The following KDM5D variants were observed in gnomAD, a reference collection of about 807,000 sequenced individuals.
The protein encoded by KDM5D is lysine-specific demethylase 5D.
A neutral mutation model predicts 31.9 loss-of-function variants in KDM5D; 25 were observed. The ratio of observed to expected loss-of-function variants is 0.78; its 90% CI spans 0.57 to 1.09. KDM5D has a LOEUF of 1.09. Ranked by LOEUF, KDM5D falls within the 50% of genes least tolerant of loss-of-function variation. KDM5D has a pLI of 0.00. For missense variants in KDM5D, 366 were observed against 341.6 expected (o/e 1.07, Z -0.56); for synonymous variants, 146 against 122.3 (o/e 1.19, Z -1.28).
chrY:19,714,583 TACTC>T (rs2045320885), intron 18 of KDM5D, among the ~76,000 whole-genome samples: 1 of 33,680 alleles, frequency 3.0e-5, no homozygotes, highest in Non-Finnish European at 7.3e-5. Flanking sequence ...GATACACAAA[TACTC>T]ACCAGTGTTA....
chrY:19,712,993 T>C (rs959960254), intron 18 of KDM5D, among the ~76,000 whole-genome samples: 1 of 33,750 alleles, frequency 3.0e-5, no homozygotes, highest in African/African-American at 1.2e-4. Context: ...TGAAACATGA[T>C]AGAAAGCCCA....
chrY:19,714,605 C>T (rs2045321385), intron 18 of KDM5D, among the ~76,000 whole-genome samples: 1 of 33,665 alleles, frequency 3.0e-5, no homozygotes, highest in African/African-American at 1.2e-4. Flanking sequence ...TTACAACTGA[C>T]AACAATATTC....
intron 9 of KDM5D, among the ~76,000 whole-genome samples, 165 bp from the exon 10 acceptor site, chrY:19,732,330 T>G: frequency 3.1e-5 from 1 of 32,579 alleles, no homozygotes; most frequent in East Asian, 8.3e-4. Flanking sequence ...TATTAAACAT[T>G]ATTTTATAAT....
At position 19,710,438 on chromosome Y, in the gene KDM5D, G is replaced by A; in HGVS notation, c.2521C>T (p.Arg841Trp). ...CTGCCCATCTGCTCAAGAAGGACCC[G>A]GAGTTCAGTCAAGGTCAGCTGTGGA... ...DTPQLTLTEL[R>W]VLLEQMGSLP... Residue 841 changes from arginine (R) to tryptophan (W), a missense_variant, in exon 19 of 27, where the codon CGG (arginine) becomes TGG (tryptophan). Arg to Trp is a moderately radical substitution (Grantham distance 101). Transcript: ENST00000317961. 1 of 387,338 alleles carries A rather than the reference G, an allele frequency of 2.6e-6. No individual in the cohort carries two copies. The highest frequency in any genetic ancestry group is 3.6e-6 in the Non-Finnish European group (1 of 276,870).
At chrY:19,738,920 T>C in intron 6 of KDM5D, among the ~76,000 whole-genome samples, 1 of 34,101 alleles carries the variant, frequency 2.9e-5, no homozygotes, top group Non-Finnish European at 7.3e-5. Flanking sequence ...AAACCCAATA[T>C]AGGCTATGGC....
At chrY:19,720,109 C>T (rs2045381296) in intron 13 of KDM5D, among the ~76,000 whole-genome samples, 1 of 31,692 alleles carries the variant, frequency 3.2e-5, no homozygotes, top group Non-Finnish European at 7.7e-5. Context: ...ATATACAGCA[C>T]GAGAGACAAA....
chrY:19,706,670 C>A (rs2045239374), intron 25 of KDM5D, 30 bp from the exon 26 acceptor site: 1 of 386,627 alleles, frequency 2.6e-6, no homozygotes, highest in Admixed American at 7.6e-5. Context: ...GTGAAAGGTG[C>A]AGGGACAGAC....
intron 18 of KDM5D, chrY:19,715,014 T>C: frequency 1.2e-5 from 1 of 80,572 alleles, no homozygotes; most frequent in Non-Finnish European, 2.6e-5. Flanking sequence ...TGCTAGTATA[T>C]ATTTATATCT....
intron 11 of KDM5D, among the ~76,000 whole-genome samples, chrY:19,726,220 T>G: frequency 3.0e-5 from 1 of 33,661 alleles, no homozygotes; most frequent in Non-Finnish European, 7.4e-5. Context: ...GGATTATAAA[T>G]CATTCTACTA....
chrY:19,720,896 G>A lies in KDM5D; in HGVS notation c.1692C>T (p.Asn564=). 7.5e-6 allele frequency: 3 copies of A among 398,211 alleles called. No homozygotes were observed. The highest frequency in any genetic ancestry group is 1.1e-5 in the Non-Finnish European group (3 of 282,947). Residue 564 remains asparagine, a synonymous_variant, in exon 13 of 27, where the codon AAC becomes AAT. Coordinates refer to ENST00000317961, the MANE Select transcript of KDM5D (RefSeq NM_004653.5). ...CTGGCACACCATGGGACATCAAAGT[G>A]TTGGGATTCATGAGAGTGACAAGCT... ...LHQLVTLMNP[N]TLMSHGVPVV...
In KDM5D at chrY:19,726,614, A is replaced by G. The variant is rs1603545921; in HGVS notation, c.1371+5158T>C. On this transcript the variant is annotated intron_variant, in intron 11 of 26. Coordinates refer to ENST00000317961, the MANE Select transcript of KDM5D (RefSeq NM_004653.5). ...AAAATACCTAAGGTAGGTAGATCACAGATTGATGAGTGCAGCAAACCACCA... is the reference window on the plus strand; with the variant it reads ...AAAATACCTAAGGTAGGTAGATCACGGATTGATGAGTGCAGCAAACCACCA... Among the ~76,000 whole-genome samples the G allele has an allele frequency of 1.5e-4, 5 of 33,002 alleles. No individual in the cohort carries two copies. The East Asian group carries it at 3.2e-3, about 21-fold the overall frequency. The allele number at this position is 33,002 out of a possible 37,273, so 88.5% of individuals were successfully genotyped here. A position where few individuals can be genotyped will look rare whatever the true frequency, so the allele number is the denominator to read the frequency against.
In KDM5D at chrY:19,708,241, C is replaced by T; in HGVS notation, c.3261+3G>A. The stretch of plus-strand genomic sequence containing the variant: ...GGCTGTGGGTCAGGGTCTCAGACCT[C>T]ACCTCAAGCAGTGTGTAGCAAGAAT... On this transcript the variant is annotated splice_donor_region_variant and intron_variant, in intron 22 of 26. Transcript: ENST00000317961. The T allele has an allele frequency of 2.5e-6, 1 of 395,030 alleles. No homozygotes were observed. The highest frequency in any genetic ancestry group is 3.6e-6 in the Non-Finnish European group (1 of 280,874).
At chrY:19,740,265 C>T (rs955675494) in intron 5 of KDM5D, among the ~76,000 whole-genome samples, 1 of 33,435 alleles carries the variant, frequency 3.0e-5, no homozygotes, top group Admixed American at 2.7e-4. Flanking sequence ...TAAAGTTTTA[C>T]GGATAATAAA....
chrY:19,743,486 C>T, intron 2 of KDM5D, among the ~76,000 whole-genome samples: 1 of 29,521 alleles, frequency 3.4e-5, no homozygotes, highest in East Asian at 8.7e-4. Context: ...AAAAAAAAAC[C>T]TCTATAATCC....
chrY:19,725,115 G>A (rs2045421056), intron 11 of KDM5D, among the ~76,000 whole-genome samples: 1 of 33,508 alleles, frequency 3.0e-5, no homozygotes, highest in East Asian at 7.9e-4. Flanking sequence ...AATCAATATC[G>A]TGAAAATGGC....
Position 19,744,556 on chromosome Y carries a change from G to C in KDM5D, c.-19-3C>G. On this transcript the variant is annotated splice_region_variant and splice_polypyrimidine_tract_variant and intron_variant, in intron 1 of 26. Transcript: ENST00000317961. ...CCATGTCGGGCCTTAATGCTAAGCTGTAAAATAAGAATCACATTGTCTTTA... is the reference window on the plus strand; with the variant it reads ...CCATGTCGGGCCTTAATGCTAAGCTCTAAAATAAGAATCACATTGTCTTTA... 1 of 372,278 alleles carries C rather than the reference G, an allele frequency of 2.7e-6. No homozygotes were observed. Among genetic ancestry groups the C allele is most frequent in the Non-Finnish European group, 3.8e-6 (1 of 263,036 alleles). The allele number at this position is 372,278 out of a possible 400,897, so 92.9% of individuals were successfully genotyped here. A position where few individuals can be genotyped will look rare whatever the true frequency, so the allele number is the denominator to read the frequency against.
rs755473396 is a variant in KDM5D, at chrY:19,710,793, C to A, written c.2487-321G>T. The stretch of plus-strand genomic sequence containing the variant: ...TTCCACAGAAGAACAGAAATAAATA[C>A]AAATAGGTGGGGCAAGAGAAAAGAA... On this transcript the variant is annotated intron_variant, in intron 18 of 26. Coordinates refer to ENST00000317961, the MANE Select transcript of KDM5D (RefSeq NM_004653.5). Among the ~76,000 whole-genome samples the A allele has an allele frequency of 2.7e-4, 9 of 33,187 alleles. No homozygotes were observed. In the East Asian group the frequency reaches 6.4e-3, roughly 24 times the overall value. The allele number at this position is 33,187 out of a possible 37,273, so 89.0% of individuals were successfully genotyped here.
Position 19,721,121 on chromosome Y carries a change from C to A in KDM5D, c.1553+9G>T. On this transcript the variant is annotated intron_variant, in intron 12 of 26. Coordinates refer to ENST00000317961, the MANE Select transcript of KDM5D (RefSeq NM_004653.5). ...TGATATCCAACTGAGCCATTGGGGTCATGCTCACCAATGCAGATAGTTAAT... is the reference window on the plus strand; with the variant it reads ...TGATATCCAACTGAGCCATTGGGGTAATGCTCACCAATGCAGATAGTTAAT... 2.5e-6 allele frequency: 1 copy of A among 395,548 alleles called. No individual in the cohort carries two copies. Among genetic ancestry groups the A allele is most frequent in the Non-Finnish European group, 3.6e-6 (1 of 280,542 alleles).
chrY:19,743,980 A>G (rs2124226739), intron 2 of KDM5D, among the ~76,000 whole-genome samples: 1 of 33,826 alleles, frequency 3.0e-5, no homozygotes, highest in African/African-American at 1.2e-4. Flanking sequence ...ACATACATCT[A>G]AGGTCATATC....
Sources: gnomAD v4.1 joint callset for allele counts (sites outside exome capture counted in the v4.1 genomes callset) on GRCh38, gnomAD v4.1.1 for gene constraint, MANE v1.5 for transcripts, NCBI Gene and HGNC (gene_info 2026-07-23, HGNC 2026-07-21) for gene names.